The following CPS1 variants were observed in gnomAD, a reference collection of about 807,000 sequenced individuals.
CPS1 encodes carbamoyl-phosphate synthase 1.
CPS1 carries 109 observed loss-of-function variants against 174.6 expected under a neutral mutation model. That is an observed-to-expected ratio of 0.62 (90% confidence interval 0.53 to 0.73). The LOEUF is 0.73. CPS1 is among the 30% of genes least tolerant of loss of function. The pLI is 0.00. For synonymous variants in CPS1, 637 were observed against 632.0 expected, an observed-to-expected ratio of 1.01 and a Z score of -0.12; for missense variants, 1,689 against 1,821.9, an observed-to-expected ratio of 0.93 and a Z score of 1.33.
intron 34 of CPS1, among the ~76,000 whole-genome samples, chr2:210,670,190 G>T (rs1266681176): frequency 6.6e-6 from 1 of 151,960 alleles, no homozygotes; most frequent in Admixed American, 6.6e-5. Flanking sequence ...GCACATGAGA[G>T]CATACGGACA....
At position 210,600,710 on chromosome 2, in the gene CPS1, T is replaced by A. The variant is rs1440144548; in HGVS notation, c.1705T>A (p.Ser569Thr). 6.2e-7 allele frequency: 1 copy of A among 1,611,886 alleles called. No homozygotes were observed. The highest frequency in any genetic ancestry group is 8.5e-7 in the Non-Finnish European group (1 of 1,178,544). The change falls in exon 15 of 38, where the codon TCG becomes ACG. Residue 569 changes from serine to threonine, a missense_variant and splice_region_variant. Physicochemically the swap from Ser to Thr is moderately conservative, Grantham distance 58. Transcript: ENST00000233072. Reference protein sequence around the residue: ...EKIAPSFAVESIEDALKAADT... With the variant: ...EKIAPSFAVETIEDALKAADT... ...GATTGCTCCAAGTTTTGCAGTGGAA[T>A]CGGTAAGGATTCTTTGCTTTGGAAA... is the stretch of plus-strand genomic sequence containing the variant.
intron 1 of CPS1, among the ~76,000 whole-genome samples, chr2:210,565,623 C>A (rs1419219423): frequency 6.6e-6 from 1 of 152,122 alleles, no homozygotes; most frequent in Admixed American, 6.5e-5. Context: ...AAACGTATTT[C>A]TTTGTTTTAT....
Position 210,675,848 on chromosome 2 carries a change from C to T in CPS1, c.4274+8C>T, listed in dbSNP as rs753409248. 1 of 1,182,414 alleles carries T rather than the reference C, an allele frequency of 8.5e-7. No individual in the cohort carries two copies. Among genetic ancestry groups the T allele is most frequent in the Non-Finnish European group, 1.3e-6 (1 of 785,828 alleles). 73.2% of individuals were successfully genotyped at this position (1,182,414 alleles called of 1,614,324 possible). A position where few individuals can be genotyped will look rare whatever the true frequency, so the allele number is the denominator to read the frequency against. The stretch of plus-strand genomic sequence containing the variant: ...CCTCTCTTCCATCAGAAAGTAAGAA[C>T]TAGGCATACTGTTTTCTGAAATAAT... On this transcript the variant is annotated splice_region_variant and intron_variant, in intron 36 of 37. Transcript: ENST00000233072.
intron 15 of CPS1, among the ~76,000 whole-genome samples, chr2:210,601,500 C>G (rs1698724529): frequency 6.6e-6 from 1 of 151,902 alleles, no homozygotes; most frequent in African/African-American, 2.4e-5. Flanking sequence ...ATCAAATAAT[C>G]CCAGGATAAC....
Position 210,602,314 on chromosome 2 carries a change from T to C in CPS1, c.1820T>C (p.Met607Thr). Residue 607 changes from methionine (M) to threonine (T), a missense_variant, in exon 16 of 38, where the codon ATG becomes ACG. Coordinates refer to ENST00000233072, the MANE Select transcript of CPS1 (RefSeq NM_001875.5). ...ATCTGTCCCAACAGAGAGACTTTGA[T>C]GGACCTCAGCACAAAGGTATGTATT... ...SGICPNRETLMDLSTKAFAMT... is the reference protein window; with the variant it reads ...SGICPNRETLTDLSTKAFAMT... The C allele has an allele frequency of 2.5e-6, 4 of 1,612,616 alleles. No individual in the cohort carries two copies. Among genetic ancestry groups the C allele is most frequent in the Non-Finnish European group, 3.4e-6 (4 of 1,179,046 alleles).
intron 1 of CPS1, among the ~76,000 whole-genome samples, 156 bp downstream of exon 1, chr2:210,557,015 A>AC (rs1461083708): frequency 2.0e-5 from 3 of 152,104 alleles, no homozygotes; most frequent in Non-Finnish European, 2.9e-5. Flanking sequence ...CTGACTTAGC[A>AC]AATGCTAATT....
In CPS1 at chr2:210,639,297, C is replaced by T. The variant is rs1700134825; in HGVS notation, c.2895+82C>T. The T allele has an allele frequency of 4.5e-6, 5 of 1,102,120 alleles. No individual in the cohort carries two copies. The South Asian group carries it at 5.2e-5, about 11-fold the overall frequency. 68.3% of individuals were successfully genotyped at this position (1,102,120 alleles called of 1,614,324 possible). On this transcript the variant is annotated intron_variant, in intron 23 of 37. Coordinates refer to ENST00000233072, the MANE Select transcript of CPS1 (RefSeq NM_001875.5). ...ATTAGGGAATATATATTTTTTACCTCTTTGGATATCTAGGTAATAAAAAAA... is the reference window on the plus strand; with the variant it reads ...ATTAGGGAATATATATTTTTTACCTTTTTGGATATCTAGGTAATAAAAAAA...
At chr2:210,644,400 A>T (rs1317615606) in intron 25 of CPS1, among the ~76,000 whole-genome samples, 1 of 152,046 alleles carries the variant, frequency 6.6e-6, no homozygotes, top group Non-Finnish European at 1.5e-5. Context: ...AGAATGCATG[A>T]CTCGAGACAG....
chr2:210,579,901 TC>T, intron 5 of CPS1, 131 bp downstream of exon 5: 2 of 738,940 alleles, frequency 2.7e-6, no homozygotes, highest in Non-Finnish European at 4.8e-6. Flanking sequence ...GCTTCTGCTA[TC>T]TGGGTCTCTG....
chr2:210,608,112 T>C (rs978336543), intron 18 of CPS1, among the ~76,000 whole-genome samples: 7 of 151,892 alleles, frequency 4.6e-5, no homozygotes, highest in African/African-American at 1.4e-4. Context: ...GAGGTGAAGG[T>C]TGAGCGTTGT....
intron 22 of CPS1, 113 bp from the exon 23 acceptor site, chr2:210,639,037 T>C (rs1700125367): frequency 1.0e-5 from 8 of 783,296 alleles, no homozygotes; most frequent in Non-Finnish European, 2.2e-6. Context: ...CCTGTTTGCA[T>C]ACTTTACAGT....
At chr2:210,611,164 T>C (rs1176039527) in intron 19 of CPS1, among the ~76,000 whole-genome samples, 1 of 151,930 alleles carries the variant, frequency 6.6e-6, no homozygotes, top group Non-Finnish European at 1.5e-5. Context: ...TTTTCCCTTA[T>C]TTCTAATTAA....
chr2:210,668,125 G>T, intron 33 of CPS1, 61 bp from the exon 34 acceptor site: 12 of 1,025,378 alleles, frequency 1.2e-5, no homozygotes, highest in Non-Finnish European at 1.7e-5. Context: ...TTAATTTTTG[G>T]TAGGAGTGGT....
chr2:210,666,787 T>A (rs1184704179), intron 33 of CPS1, among the ~76,000 whole-genome samples: 2 of 152,220 alleles, frequency 1.3e-5, no homozygotes, highest in African/African-American at 4.8e-5. Flanking sequence ...TTCTTTTGAC[T>A]TAGGATTGAC....
At chr2:210,583,308 A>AT (rs1198580398) in intron 6 of CPS1, among the ~76,000 whole-genome samples, 4 of 152,106 alleles carry the variant, frequency 2.6e-5, no homozygotes, top group Non-Finnish European at 4.4e-5. Flanking sequence ...ATATCTACTA[A>AT]TGTAGGTGTG....
intron 11 of CPS1, chr2:210,593,701 T>C (rs979403256): frequency 1.0e-6 from 1 of 962,400 alleles, no homozygotes; most frequent in Non-Finnish European, 1.2e-6. Flanking sequence ...AATAAGAGCT[T>C]TCTTTCTGCA....
At chr2:210,499,688 C>G (rs904918427) in intron 1 of CPS1, among the ~76,000 whole-genome samples, 1 of 152,170 alleles carries the variant, frequency 6.6e-6, no homozygotes, top group Non-Finnish European at 1.5e-5. Flanking sequence ...TCCAAGTTAG[C>G]TCCAGGACTT....
chr2:210,490,589 G>T (rs928714726), intron 1 of CPS1, among the ~76,000 whole-genome samples: 1 of 152,168 alleles, frequency 6.6e-6, no homozygotes, highest in Non-Finnish European at 1.5e-5. Flanking sequence ...AGAAGTTTGT[G>T]GGGGGACAGT....
intron 30 of CPS1, 141 bp downstream of exon 30, chr2:210,656,773 C>A: frequency 1.5e-6 from 1 of 689,188 alleles, no homozygotes; most frequent in Non-Finnish European, 2.6e-6. Flanking sequence ...AACTTCCTTG[C>A]TCTGAGTCAC....
Sources: allele counts gnomAD v4.1 joint callset (sites outside exome capture counted in the v4.1 genomes callset), GRCh38; gene constraint gnomAD v4.1.1; transcripts MANE v1.5; gene names NCBI Gene and HGNC (gene_info 2026-07-23, HGNC 2026-07-21).